The following ST6GALNAC3 variants were observed in gnomAD, a reference collection of about 807,000 sequenced individuals.
ST6GALNAC3 encodes the protein ST6 N-acetylgalactosaminide alpha-2,6-sialyltransferase 3.
A neutral mutation model predicts 32.7 loss-of-function variants in ST6GALNAC3; 25 were observed. The observed-to-expected ratio is 0.76, with a 90% CI of 0.56 to 1.07. The LOEUF (loss-of-function observed/expected upper bound fraction) is 1.07. ST6GALNAC3 is among the 50% of genes least tolerant of loss of function. The pLI is 0.00. For missense variants in ST6GALNAC3, 355 were observed against 382.4 expected (o/e 0.93, Z 0.60); for synonymous variants, 129 against 133.1 (o/e 0.97, Z 0.21).
At chr1:76,512,458 A>G (rs1661923789) in intron 3 of ST6GALNAC3, among the ~76,000 whole-genome samples, 1 of 152,094 alleles carries the variant, frequency 6.6e-6, no homozygotes, top group Admixed American at 6.6e-5. Flanking sequence ...TTTTTTATTG[A>G]CACATTTTAT....
At chr1:76,208,213 C>A (rs1654942236) in intron 1 of ST6GALNAC3, among the ~76,000 whole-genome samples, 1 of 152,238 alleles carries the variant, frequency 6.6e-6, no homozygotes, top group African/African-American at 2.4e-5. Context: ...AGTGGGAGCA[C>A]CCCTAGACCC....
At chr1:76,575,491 G>T (rs1398128367) in intron 3 of ST6GALNAC3, among the ~76,000 whole-genome samples, 1 of 152,050 alleles carries the variant, frequency 6.6e-6, no homozygotes, top group African/African-American at 2.4e-5. Flanking sequence ...GCAGAATATG[G>T]GTGGATTTGA....
At chr1:76,544,612 C>A (rs1227545513) in intron 3 of ST6GALNAC3, among the ~76,000 whole-genome samples, 1 of 151,974 alleles carries the variant, frequency 6.6e-6, no homozygotes, top group East Asian at 1.9e-4. Context: ...GCTCTAAAGA[C>A]CAAGAAAGGA....
At chr1:76,353,646 C>T (rs1649187554) in intron 2 of ST6GALNAC3, 1 of 154,620 alleles carries the variant, frequency 6.5e-6, no homozygotes, top group Non-Finnish European at 1.5e-5. Context: ...CATGCAAGGC[C>T]TTCACCACAC....
At chr1:76,249,633 T>G (rs1225937469) in intron 1 of ST6GALNAC3, among the ~76,000 whole-genome samples, 1 of 152,196 alleles carries the variant, frequency 6.6e-6, no homozygotes, top group East Asian at 1.9e-4. Flanking sequence ...GGGTATATAC[T>G]TAGGCTTAAA....
chr1:76,548,935 TG>T (rs1400437042), intron 3 of ST6GALNAC3, among the ~76,000 whole-genome samples: 1 of 152,180 alleles, frequency 6.6e-6, no homozygotes, highest in Non-Finnish European at 1.5e-5. Context: ...CTGTGCCTGA[TG>T]AATAGCAGGT....
chr1:76,086,352 G>C (rs998091986), intron 1 of ST6GALNAC3, among the ~76,000 whole-genome samples: 14 of 152,192 alleles, frequency 9.2e-5, no homozygotes, highest in Admixed American at 9.2e-4. Flanking sequence ...ACTGGTGAAA[G>C]ACGATAGTTT....
chr1:76,534,142 G>C (rs897798579), intron 3 of ST6GALNAC3, among the ~76,000 whole-genome samples: 2 of 151,762 alleles, frequency 1.3e-5, no homozygotes, highest in East Asian at 1.9e-4. Context: ...TCCTGGGTTC[G>C]AGTGATCCTC....
At chr1:76,492,018 A>G (rs1660532286) in intron 3 of ST6GALNAC3, among the ~76,000 whole-genome samples, 1 of 152,226 alleles carries the variant, frequency 6.6e-6, no homozygotes, top group Non-Finnish European at 1.5e-5. Context: ...ACATAATTAG[A>G]TATACACAAC....
At chr1:76,573,245 T>A (rs1193849973) in intron 3 of ST6GALNAC3, among the ~76,000 whole-genome samples, 1 of 152,098 alleles carries the variant, frequency 6.6e-6, no homozygotes, top group Non-Finnish European at 1.5e-5. Context: ...GAACTACCTT[T>A]CCGGTCCTCT....
Position 76,628,679 on chromosome 1 carries a change from A to T in ST6GALNAC3, c.791A>T (p.Asp264Val). 1 of 1,612,168 alleles carries T rather than the reference A, an allele frequency of 6.2e-7. No individual in the cohort carries two copies. Among genetic ancestry groups the T allele is most frequent in the Non-Finnish European group, 8.5e-7 (1 of 1,179,038 alleles). The part of the protein sequence containing the change: ...HYYEQGRDEC[D>V]EYFLHEHAPY... ...TATGAACAAGGAAGAGATGAGTGTG[A>T]TGAATATTTTCTTCATGAACATGCC... is the stretch of plus-strand genomic sequence containing the variant. Residue 264 changes from aspartate to valine, a missense_variant, in exon 5 of 5, where the codon GAT (aspartate) becomes GTT (valine). Transcript: ENST00000328299.
chr1:76,293,985 A>C (rs1286751443), intron 1 of ST6GALNAC3, among the ~76,000 whole-genome samples: 1 of 152,186 alleles, frequency 6.6e-6, no homozygotes, highest in Admixed American at 6.5e-5. Flanking sequence ...CTGGTCATTT[A>C]TACAAAACCG....
At chr1:76,384,221 G>A (rs943603155) in intron 2 of ST6GALNAC3, among the ~76,000 whole-genome samples, 1 of 152,018 alleles carries the variant, frequency 6.6e-6, no homozygotes, top group Non-Finnish European at 1.5e-5. Flanking sequence ...AAACACCAAT[G>A]ATAAAGAAGC....
chr1:76,246,131 T>C (rs1187789431), intron 1 of ST6GALNAC3, among the ~76,000 whole-genome samples: 1 of 152,240 alleles, frequency 6.6e-6, no homozygotes, highest in East Asian at 1.9e-4. Flanking sequence ...TTAGCTTTTC[T>C]TGTTCCATTG....
chr1:76,590,388 T>A (rs566955323), intron 3 of ST6GALNAC3, among the ~76,000 whole-genome samples: 1 of 152,198 alleles, frequency 6.6e-6, no homozygotes, highest in Non-Finnish European at 1.5e-5. Context: ...ATTGCAAATA[T>A]CAGATTACTT....
chr1:76,087,608 C>G (rs1388619438), intron 1 of ST6GALNAC3, among the ~76,000 whole-genome samples: 2 of 152,084 alleles, frequency 1.3e-5, no homozygotes, highest in African/African-American at 4.8e-5. Context: ...TGTGGATTAT[C>G]TCATTTTATC....
intron 1 of ST6GALNAC3, among the ~76,000 whole-genome samples, chr1:76,270,837 C>T (rs148224940): frequency 6.6e-6 from 1 of 152,304 alleles, no homozygotes; most frequent in East Asian, 1.9e-4. Flanking sequence ...TATCCAAAAG[C>T]TGTTGTAAGC....
intron 3 of ST6GALNAC3, among the ~76,000 whole-genome samples, chr1:76,505,885 G>A (rs1661452053): frequency 6.6e-6 from 1 of 152,086 alleles, no homozygotes; most frequent in Admixed American, 6.6e-5. Flanking sequence ...TCAGTGCCAG[G>A]AACAGTGTCG....
At position 76,346,056 on chromosome 1, in the gene ST6GALNAC3, C is replaced by T. The variant is rs115096197; in HGVS notation, c.213+32057C>T. ...TCTCTTCCTCCTGCTAGCTACTCCC[C>T]CACTTTGCTTTAATTTTCTCCATAC... On this transcript the variant is annotated intron_variant, in intron 2 of 4. Transcript: ENST00000328299. 4.4e-3 allele frequency among the ~76,000 whole-genome samples: 671 copies of T among 152,144 alleles called. 7 individuals carry two copies. Among genetic ancestry groups the T allele is most frequent in the African/African-American group, 0.015 (624 of 41,494 alleles).
Sources: allele counts gnomAD v4.1 joint callset (sites outside exome capture counted in the v4.1 genomes callset), GRCh38; gene constraint gnomAD v4.1.1; transcripts MANE v1.5; gene names NCBI Gene and HGNC (gene_info 2026-07-23, HGNC 2026-07-21).